Variants in ABI3 observed in about 807,000 individuals in gnomAD.
The protein encoded by ABI3 is ABI gene family member 3.
A neutral mutation model predicts 37.0 loss-of-function variants in ABI3; 24 were observed. The observed-to-expected ratio is 0.65, with a 90% CI of 0.47 to 0.91. ABI3 has a LOEUF of 0.91. Among genes scored for constraint, ABI3 ranks in the 40% least tolerant of loss-of-function variants. The probability of loss-of-function intolerance (pLI) is 0.00; values close to 1 mark genes in which losing one functional copy is unlikely to be tolerated. For missense variants in ABI3, 481 were observed against 485.1 expected, an observed-to-expected ratio of 0.99 and a Z score of 0.08; for synonymous variants, 220 against 211.8, an observed-to-expected ratio of 1.04 and a Z score of -0.34.
Position 49,217,926 on chromosome 17 carries a change from G to A in ABI3, c.462+11G>A. ...GGCCATGGGATCAAGGTAGAGAGAG[G>A]GGCCCTCCTCTTTCCCTCCAACCCA... On this transcript the variant is annotated intron_variant, in intron 3 of 7. Transcript: ENST00000225941. The A allele has an allele frequency of 1.3e-6, 2 of 1,510,284 alleles. No homozygotes were observed. The highest frequency in any genetic ancestry group is 1.8e-6 in the Non-Finnish European group (2 of 1,132,800). The allele number at this position is 1,510,284 out of a possible 1,614,324, so 93.6% of individuals were successfully genotyped here. A position where few individuals can be genotyped will look rare whatever the true frequency, so the allele number is the denominator to read the frequency against.
At chr17:49,222,469 C>G in intron 7 of ABI3, 83 bp from the exon 8 acceptor site, 4 of 1,529,874 alleles carry the variant, frequency 2.6e-6, no homozygotes, top group Non-Finnish European at 3.6e-6. Flanking sequence ...GTACTTGAGA[C>G]CGTGCATCCC....
intron 6 of ABI3, among the ~76,000 whole-genome samples, chr17:49,221,721 C>CT (rs1293111002): frequency 6.6e-6 from 1 of 152,052 alleles, no homozygotes; most frequent in East Asian, 1.9e-4. Context: ...TGGGTGCATT[C>CT]TTTTTTTCTT....
rs2043310136 is a variant in ABI3, at chr17:49,222,990, A to G, written c.*275A>G. The G allele has an allele frequency of 2.0e-6, 1 of 508,012 alleles. No homozygotes were observed. The highest frequency in any genetic ancestry group is 3.5e-6 in the Non-Finnish European group (1 of 286,322). The allele number at this position is 508,012 out of a possible 1,614,324, so 31.5% of individuals were successfully genotyped here. A position where few individuals can be genotyped will look rare whatever the true frequency, so the allele number is the denominator to read the frequency against. ...ACAGGGTCTCCTGCTGCAAGTCCCA[A>G]CTTTGAATAAAACAGATGATGTCCT... is the stretch of plus-strand genomic sequence containing the variant. On this transcript the variant is annotated 3_prime_UTR_variant, in exon 8 of 8. Transcript: ENST00000225941.
rs1406271688 is a variant in ABI3, at chr17:49,223,024, C to T, written c.*309C>T. The T allele has an allele frequency of 2.1e-6, 1 of 487,560 alleles. No individual in the cohort carries two copies. Among genetic ancestry groups the T allele is most frequent in the Non-Finnish European group, 3.6e-6 (1 of 275,616 alleles). The allele number at this position is 487,560 out of a possible 1,614,324, so 30.2% of individuals were successfully genotyped here. ...AAAACAGATGATGTCCTGTGACTGC[C>T]CCACAGAGATAAGGGGCCAGGAGGG... On this transcript the variant is annotated 3_prime_UTR_variant, in exon 8 of 8. Coordinates refer to ENST00000225941, the MANE Select transcript of ABI3 (RefSeq NM_016428.3).
rs1187487029 is a variant in ABI3 at position 49,219,643 on chromosome 17, C to T, written c.548+18C>T. On this transcript the variant is annotated intron_variant, in intron 4 of 7. Transcript: ENST00000225941. This position sits in a 1 kb window ranked among gnomAD's most constrained non-coding sequence, Gnocchi z 4.3. ...ACCTTGGGGTGAGGCCTCGCCGCGA[C>T]GCCAACTAGCCTAGCCCTGCCCCGC... 6 of 1,583,156 alleles carry T rather than the reference C, an allele frequency of 3.8e-6. No homozygotes were observed. Among genetic ancestry groups the T allele is most frequent in the Non-Finnish European group, 4.3e-6 (5 of 1,163,202 alleles).
Position 49,222,165 on chromosome 17 carries a change from C to T in ABI3, c.877C>T (p.Pro293Ser), listed in dbSNP as rs761344907. The T allele has an allele frequency of 3.7e-6, 6 of 1,613,712 alleles. No homozygotes were observed. The highest frequency in any genetic ancestry group is 5.1e-6 in the Non-Finnish European group (6 of 1,179,892). The change falls in exon 7 of 8, where the codon CCC (proline) becomes TCC (serine). Residue 293 changes from proline to serine, a missense_variant. Transcript: ENST00000225941. ...TGGAGATGAATTGGGGCTGCCTCCA[C>T]CCCCACCAGGATTTGGGCCTGATGA... The part of the protein sequence containing the change: ...LDGDELGLPP[P>S]PPGFGPDEPS...
intron 2 of ABI3, 51 bp downstream of exon 2, chr17:49,216,749 C>G: frequency 7.3e-7 from 1 of 1,374,354 alleles, no homozygotes; most frequent in East Asian, 2.9e-5. Context: ...CTCAACTCTT[C>G]AGCCCGACTC....
intron 2 of ABI3, among the ~76,000 whole-genome samples, chr17:49,217,341 TTTACTTATTTGTC>T (rs2043229616): frequency 6.6e-6 from 1 of 151,978 alleles, no homozygotes; most frequent in Admixed American, 6.5e-5. Flanking sequence ...AGGAAGTCAA[TTTACTTATTTGTC>T]CCCCAAAGGG....
At chr17:49,218,384 T>C (rs2043243791) in intron 3 of ABI3, among the ~76,000 whole-genome samples, 2 of 152,164 alleles carry the variant, frequency 1.3e-5, no homozygotes, top group South Asian at 2.1e-4. Flanking sequence ...GAGGGGAGCA[T>C]GGCGCTGGCG....
chr17:49,211,961 T>TG (rs2043172740), intron 1 of ABI3, among the ~76,000 whole-genome samples: 1 of 150,590 alleles, frequency 6.6e-6, no homozygotes. Context: ...TTTTTTTTTT[T>TG]TGACGGGGTC....
chr17:49,216,633 C>A lies in ABI3; in HGVS notation c.220C>A (p.Arg74Ser), dbSNP rs553060450. 55 of 1,611,466 alleles carry A rather than the reference C, an allele frequency of 3.4e-5. No individual in the cohort carries two copies. The highest frequency in any genetic ancestry group is 4.4e-5 in the Non-Finnish European group (52 of 1,179,072). The part of the protein sequence containing the change: ...QVGNLAGHTL[R>S]MLDLQGAALR... ...GGGCAACCTGGCCGGGCACACTCTGCGCATGTTGGACCTGCAGGGGGCCGC... is the reference window on the plus strand; with the variant it reads ...GGGCAACCTGGCCGGGCACACTCTGAGCATGTTGGACCTGCAGGGGGCCGC... Residue 74 changes from arginine to serine, a missense_variant, in exon 2 of 8, where the codon CGC (arginine) becomes AGC (serine). Coordinates refer to ENST00000225941, the MANE Select transcript of ABI3 (RefSeq NM_016428.3).
chr17:49,216,876 G>A (rs910840124), intron 2 of ABI3, among the ~76,000 whole-genome samples, 178 bp downstream of exon 2: 1 of 152,158 alleles, frequency 6.6e-6, no homozygotes, highest in Admixed American at 6.5e-5. Flanking sequence ...CTGTGGCTAC[G>A]CTACAAATTC....
Position 49,219,499 on chromosome 17 carries a change from C to G in ABI3, c.463-41C>G. 1 of 1,522,080 alleles carries G rather than the reference C, an allele frequency of 6.6e-7. No individual in the cohort carries two copies. The highest frequency in any genetic ancestry group is 8.9e-7 in the Non-Finnish European group (1 of 1,119,512). The allele number at this position is 1,522,080 out of a possible 1,614,324, so 94.3% of individuals were successfully genotyped here. ...TTGGGGATGAGGGTGGAGGGAGGCC[C>G]CTCACCCCAAATGTAAGCCCTACCT... On this transcript the variant is annotated intron_variant, in intron 3 of 7. Transcript: ENST00000225941. The surrounding 1 kb of genome is among the most constrained non-coding windows in gnomAD (Gnocchi z 4.3).
rs183928495 is a variant in ABI3 at position 49,211,205 on chromosome 17, G to C, written c.117+364G>C. Among the ~76,000 whole-genome samples the C allele has an allele frequency of 5.3e-4, 80 of 152,260 alleles. 1 individual carries two copies. Among genetic ancestry groups the C allele is most frequent in the African/African-American group, 1.8e-3 (76 of 41,552 alleles). On this transcript the variant is annotated intron_variant, in intron 1 of 7. Transcript: ENST00000225941. ...ATGCTGGCGATCATTCTATTTCCAGGCCGGCTCTGGGTGAGGCTTCAGAAG... is the reference window on the plus strand; with the variant it reads ...ATGCTGGCGATCATTCTATTTCCAGCCCGGCTCTGGGTGAGGCTTCAGAAG...
intron 1 of ABI3, among the ~76,000 whole-genome samples, chr17:49,213,289 C>T (rs986865240): frequency 1.3e-5 from 2 of 152,170 alleles, no homozygotes; most frequent in Non-Finnish European, 2.9e-5. Flanking sequence ...GCATGAGAAG[C>T]CCTGACCCAA....
In ABI3 at chr17:49,222,586, C is replaced by T. The variant is rs1202751594; in HGVS notation, c.972C>T (p.Asp324=). ...VTLYPYTSQK[D]NELSFSEGTV... ...TGTACCCATACACCAGCCAGAAGGA[C>T]AATGAGCTCTCCTTCTCTGAGGGCA... The change falls in exon 8 of 8, where the codon GAC becomes GAT. Residue 324 remains aspartate, a synonymous_variant. Transcript: ENST00000225941. 1 of 1,614,036 alleles carries T rather than the reference C, an allele frequency of 6.2e-7. No homozygotes were observed. Among genetic ancestry groups the T allele is most frequent in the Non-Finnish European group, 8.5e-7 (1 of 1,180,012 alleles).
chr17:49,211,882 G>C (rs1598237068), intron 1 of ABI3, among the ~76,000 whole-genome samples: 1 of 151,808 alleles, frequency 6.6e-6, no homozygotes, highest in Non-Finnish European at 1.5e-5. Flanking sequence ...GACACCTCAG[G>C]TGATCCACCC....
chr17:49,222,083 C>T lies in ABI3; in HGVS notation c.803-8C>T, dbSNP rs763449904. 1.0e-5 allele frequency: 16 copies of T among 1,585,742 alleles called. No individual in the cohort carries two copies. The highest frequency in any genetic ancestry group is 2.7e-5 in the African/African-American group (2 of 73,888). ...CCACACTTACAGCCTTTCTGCTTTT[C>T]CCCCAAGACGAAGAGCTGCCCCTGC... On this transcript the variant is annotated splice_polypyrimidine_tract_variant and splice_region_variant and intron_variant, in intron 6 of 7. Transcript: ENST00000225941.
chr17:49,211,719 A>G (rs371245827), intron 1 of ABI3, among the ~76,000 whole-genome samples: 1 of 152,026 alleles, frequency 6.6e-6, no homozygotes, highest in African/African-American at 2.4e-5. Flanking sequence ...ATCTTGGCTC[A>G]CTACAACCTC....
Sources: allele counts gnomAD v4.1 joint callset (sites outside exome capture counted in the v4.1 genomes callset), GRCh38; gene constraint gnomAD v4.1.1; non-coding constraint Gnocchi (gnomAD v3.1); transcripts MANE v1.5; gene names NCBI Gene and HGNC (gene_info 2026-07-23, HGNC 2026-07-21).